KIAA0825: variants seen among roughly 807,000 people sequenced by gnomAD.
KIAA0825 encodes KIAA0825, also known as uncharacterized protein KIAA0825.
A neutral mutation model predicts 147.6 loss-of-function variants in KIAA0825; 119 were observed. The observed-to-expected ratio is 0.81, with a 90% CI of 0.69 to 0.94. The LOEUF (loss-of-function observed/expected upper bound fraction) is 0.94, where lower values mean the gene tolerates loss of function less well. KIAA0825 is among the 40% of genes least tolerant of loss of function. KIAA0825 has a pLI of 0.00. For missense variants in KIAA0825, 1,381 were observed against 1,472.7 expected, an observed-to-expected ratio of 0.94 and a Z score of 1.02; for synonymous variants, 470 against 518.1, an observed-to-expected ratio of 0.91 and a Z score of 1.26.
intron 3 of KIAA0825, among the ~76,000 whole-genome samples, chr5:94,530,837 GC>G (rs1320385954): frequency 6.6e-6 from 1 of 152,122 alleles, no homozygotes. Flanking sequence ...AAGGGTCGGG[GC>G]TTACTTCCCA....
chr5:94,577,859 CATTATTTTT>C (rs1200019095), intron 2 of KIAA0825, among the ~76,000 whole-genome samples: 2 of 152,128 alleles, frequency 1.3e-5, no homozygotes, highest in African/African-American at 4.8e-5. Context: ...CTCACATACT[CATTATTTTT>C]ACTTAGTTTA....
At chr5:94,486,531 T>C (rs939867829) in intron 5 of KIAA0825, among the ~76,000 whole-genome samples, 1 of 152,082 alleles carries the variant, frequency 6.6e-6, no homozygotes, top group African/African-American at 2.4e-5. Flanking sequence ...AGTACTGTTC[T>C]GAAACAGTAA....
At chr5:94,537,310 T>A (rs1238696455) in intron 2 of KIAA0825, among the ~76,000 whole-genome samples, 183 bp from the exon 3 acceptor site, 2 of 152,296 alleles carry the variant, frequency 1.3e-5, no homozygotes, top group Non-Finnish European at 2.9e-5. Context: ...AATGTTTCAT[T>A]ATTTAAATTT....
At chr5:94,290,336 C>CTA (rs1050913683) in intron 20 of KIAA0825, among the ~76,000 whole-genome samples, 7 of 152,110 alleles carry the variant, frequency 4.6e-5, no homozygotes, top group Non-Finnish European at 7.4e-5. Flanking sequence ...TCCTTGTGTC[C>CTA]ATGTGTTCTC....
chr5:94,526,886 T>C (rs1002588723), intron 3 of KIAA0825, among the ~76,000 whole-genome samples: 1 of 151,986 alleles, frequency 6.6e-6, no homozygotes, highest in African/African-American at 2.4e-5. Context: ...AAGGAGTGTG[T>C]ACAATGTGCT....
At chr5:94,174,235 G>A (rs1768888033) in intron 20 of KIAA0825, among the ~76,000 whole-genome samples, 2 of 152,140 alleles carry the variant, frequency 1.3e-5, no homozygotes, top group Admixed American at 1.3e-4. Flanking sequence ...ACCAATGGAA[G>A]TCTAAGCTTT....
intron 20 of KIAA0825, among the ~76,000 whole-genome samples, chr5:94,306,497 A>G (rs1457316644): frequency 6.6e-6 from 1 of 151,844 alleles, no homozygotes; most frequent in Non-Finnish European, 1.5e-5. Context: ...GAGAAATGTC[A>G]CATTAGAACT....
intron 14 of KIAA0825, among the ~76,000 whole-genome samples, chr5:94,423,074 T>C (rs1754405360): frequency 6.6e-6 from 1 of 152,216 alleles, no homozygotes; most frequent in Admixed American, 6.5e-5. Flanking sequence ...CATTCTGGCC[T>C]GATCTCCTCT....
At position 94,462,532 on chromosome 5, in the gene KIAA0825, T is replaced by A. The variant is rs1759967770; in HGVS notation, c.2101A>T (p.Met701Leu). 1 of 1,537,962 alleles carries A rather than the reference T, an allele frequency of 6.5e-7. No individual in the cohort carries two copies. Among genetic ancestry groups the A allele is most frequent in the African/African-American group, 1.4e-5 (1 of 72,438 alleles). Residue 701 changes from methionine to leucine, a missense_variant, in exon 12 of 21, where the codon ATG (methionine) becomes TTG (leucine). Coordinates refer to ENST00000682413, the MANE Select transcript of KIAA0825 (RefSeq NM_001145678.3). ...ACAGATGTACAAACTGACCATAACATGTTCTCAGTGCATATCAAAATTGTT... is the reference window on the plus strand; with the variant it reads ...ACAGATGTACAAACTGACCATAACAAGTTCTCAGTGCATATCAAAATTGTT... The part of the protein sequence containing the change: ...VTTILICTEN[M>L]LWSVCTSVQK...
chr5:94,481,191 G>T (rs1294489729), intron 6 of KIAA0825, among the ~76,000 whole-genome samples: 2 of 152,082 alleles, frequency 1.3e-5, no homozygotes, highest in Admixed American at 1.3e-4. Flanking sequence ...CCTAGATTAA[G>T]AACCTCAGAA....
chr5:94,616,086 G>C (rs546823617), intron 1 of KIAA0825, among the ~76,000 whole-genome samples: 1 of 152,100 alleles, frequency 6.6e-6, no homozygotes, highest in Admixed American at 6.6e-5. Context: ...TGCTGGGTTT[G>C]AGATGACGAA....
chr5:94,356,923 C>T (rs1784346842), intron 20 of KIAA0825, among the ~76,000 whole-genome samples: 2 of 151,888 alleles, frequency 1.3e-5, no homozygotes, highest in Non-Finnish European at 2.9e-5. Flanking sequence ...CAGGGTTTCA[C>T]CACGTTGGCC....
At chr5:94,190,532 A>C (rs1338461194) in intron 20 of KIAA0825, among the ~76,000 whole-genome samples, 1 of 145,964 alleles carries the variant, frequency 6.9e-6, no homozygotes, top group Non-Finnish European at 1.5e-5. Flanking sequence ...ACGATGTTTA[A>C]AAGAGTTTGG....
intron 20 of KIAA0825, among the ~76,000 whole-genome samples, chr5:94,305,972 T>C (rs1185629646): frequency 1.3e-5 from 2 of 151,876 alleles, no homozygotes; most frequent in East Asian, 3.9e-4. Flanking sequence ...AGCTACCTCC[T>C]ACCTATTGAA....
rs145963190 is a variant in KIAA0825 at position 94,325,508 on chromosome 5, A to G, written c.3710+58860T>C. ...TATAAAATAGATGCAGAAATAATAC[A>G]CATAAATCAAATATTCAGCATGTGC... On this transcript the variant is annotated intron_variant, in intron 20 of 20. Coordinates refer to ENST00000682413, the MANE Select transcript of KIAA0825 (RefSeq NM_001145678.3). 1.4e-3 allele frequency among the ~76,000 whole-genome samples: 220 copies of G among 152,124 alleles called. 1 individual carries two copies. Among genetic ancestry groups the G allele is most frequent in the African/African-American group, 5.0e-3 (206 of 41,548 alleles).
intron 2 of KIAA0825, among the ~76,000 whole-genome samples, chr5:94,553,782 A>T (rs888569404): frequency 2.0e-5 from 3 of 152,010 alleles, no homozygotes; most frequent in South Asian, 2.1e-4. Context: ...AACCAAAAAA[A>T]AAAAACAAAA....
chr5:94,420,213 T>C (rs1753996169), intron 14 of KIAA0825, among the ~76,000 whole-genome samples: 1 of 152,022 alleles, frequency 6.6e-6, no homozygotes, highest in Non-Finnish European at 1.5e-5. Flanking sequence ...GCATGAATAA[T>C]ATACAGCCCT....
At chr5:94,297,233 G>C (rs1283150376) in intron 20 of KIAA0825, among the ~76,000 whole-genome samples, 1 of 152,064 alleles carries the variant, frequency 6.6e-6, no homozygotes, top group African/African-American at 2.4e-5. Flanking sequence ...TTCAAATACA[G>C]TTATTATCTC....
chr5:94,269,450 C>T (rs193232901), intron 20 of KIAA0825, among the ~76,000 whole-genome samples: 61 of 152,080 alleles, frequency 4.0e-4, no homozygotes, highest in Admixed American at 2.6e-4. Flanking sequence ...TGTAAATGGA[C>T]TAAATTCTCC....
Sources: allele counts gnomAD v4.1 joint callset (sites outside exome capture counted in the v4.1 genomes callset), GRCh38; gene constraint gnomAD v4.1.1; transcripts MANE v1.5; gene names NCBI Gene and HGNC (gene_info 2026-07-23, HGNC 2026-07-21).